ANXA2: variants seen among roughly 807,000 people sequenced by gnomAD.
ANXA2 encodes the protein annexin II.
ANXA2 carries 28 observed loss-of-function variants against 47.3 expected under a neutral mutation model. That is an observed-to-expected ratio of 0.59 (90% confidence interval 0.44 to 0.81). The LOEUF (loss-of-function observed/expected upper bound fraction) is 0.81. Ranked by LOEUF, ANXA2 falls within the 40% of genes least tolerant of loss-of-function variation. The pLI, the probability that ANXA2 is intolerant of heterozygous loss-of-function variation, is 0.00. For synonymous variants in ANXA2, 172 were observed against 155.5 expected (o/e 1.11, Z -0.79); for missense variants, 384 against 414.3 (o/e 0.93, Z 0.64).
At chr15:60,388,038 A>C (rs1215274226) in intron 1 of ANXA2, among the ~76,000 whole-genome samples, 1 of 152,090 alleles carries the variant, frequency 6.6e-6, no homozygotes. Flanking sequence ...AAATACAAAA[A>C]TTAGCTGGGC....
At position 60,368,760 on chromosome 15, in the gene ANXA2, G is replaced by T. The variant is rs560603686; in HGVS notation, c.149-4237C>A. On this transcript the variant is annotated intron_variant, in intron 3 of 12. Coordinates refer to ENST00000451270, the MANE Select transcript of ANXA2 (RefSeq NM_004039.3). ...AGTTCACCATAATGACCATAAATGG[G>T]TTTTTTTTAATACCCGGTGAGTGGC... Among the ~76,000 whole-genome samples the T allele has an allele frequency of 2.7e-3, 411 of 151,982 alleles. 7 individuals carry two copies. Among genetic ancestry groups the T allele is most frequent in the Admixed American group, 0.022 (337 of 15,274 alleles).
chr15:60,348,171 G>C (rs1355743275), intron 12 of ANXA2, among the ~76,000 whole-genome samples: 1 of 152,162 alleles, frequency 6.6e-6, no homozygotes, highest in Non-Finnish European at 1.5e-5. Context: ...TTAAACATGT[G>C]CCCTAATAAA....
intron 3 of ANXA2, among the ~76,000 whole-genome samples, chr15:60,365,159 T>A (rs1216816942): frequency 6.6e-6 from 1 of 151,512 alleles, no homozygotes; most frequent in African/African-American, 2.4e-5. Context: ...ATAGGCAATT[T>A]TAATAATTAA....
intron 1 of ANXA2, chr15:60,397,275 G>T: frequency 1.0e-6 from 1 of 985,532 alleles, no homozygotes; most frequent in Non-Finnish European, 1.2e-6. Context: ...AGGCCAATGT[G>T]TTCAACCAAG....
intron 5 of ANXA2, among the ~76,000 whole-genome samples, chr15:60,358,224 C>T (rs1287660314): frequency 6.6e-6 from 1 of 152,164 alleles, no homozygotes; most frequent in African/African-American, 2.4e-5. Flanking sequence ...GACACCAACA[C>T]TTTATTAAGG....
At chr15:60,390,551 A>AAGG in intron 1 of ANXA2, 1 of 454,988 alleles carries the variant, frequency 2.2e-6, no homozygotes, top group Non-Finnish European at 4.3e-6. Context: ...TAAAATTACA[A>AAGG]AGGAGGTTGT....
At chr15:60,351,932 G>T in intron 9 of ANXA2, 113 bp from the exon 10 acceptor site, 1 of 751,684 alleles carries the variant, frequency 1.3e-6, no homozygotes, top group South Asian at 1.7e-5. Context: ...GATGATCACA[G>T]CATCCTAGGA....
intron 5 of ANXA2, among the ~76,000 whole-genome samples, chr15:60,358,293 G>A (rs2062462897): frequency 6.6e-6 from 1 of 152,186 alleles, no homozygotes; most frequent in Non-Finnish European, 1.5e-5. Flanking sequence ...GAGCATGTCA[G>A]ATAGCTTGAA....
intron 7 of ANXA2, among the ~76,000 whole-genome samples, chr15:60,355,068 CAGGTAAGTAAGG>C (rs1385667226): frequency 6.6e-6 from 1 of 152,090 alleles, no homozygotes; most frequent in Admixed American, 6.5e-5. Context: ...AGCACGCTCT[CAGGTAAGTAAGG>C]AGCTGCCCTG....
chr15:60,370,314 A>T lies in ANXA2; in HGVS notation c.149-5791T>A, dbSNP rs145260467. Among the ~76,000 whole-genome samples the T allele has an allele frequency of 4.7e-4, 72 of 152,346 alleles. 1 individual carries two copies. The highest frequency in any genetic ancestry group is 1.7e-3 in the African/African-American group (70 of 41,576). On this transcript the variant is annotated intron_variant, in intron 3 of 12. Transcript: ENST00000451270. ...CGCCCTGCCCAAGAACCTCACCTGC[A>T]TCAGCTATTTCTCCCATACCACTGT...
At chr15:60,397,820 C>A in intron 1 of ANXA2, 123 bp downstream of exon 1, 1 of 1,361,186 alleles carries the variant, frequency 7.3e-7, no homozygotes, top group Non-Finnish European at 9.5e-7. Flanking sequence ...CAGCCCCCTG[C>A]CCCCGACGGC....
intron 4 of ANXA2, among the ~76,000 whole-genome samples, chr15:60,363,945 G>A (rs1018099949): frequency 6.6e-6 from 1 of 152,190 alleles, no homozygotes. Context: ...CTGGCCCAAA[G>A]TAAGCACTCA....
At position 60,350,691 on chromosome 15, in the gene ANXA2, T is replaced by C. The variant is rs564829604; in HGVS notation, c.837+502A>G. ...TTGTGGGGCTGTCTTTGGGGTCTGA[T>C]AGACCCAGGTTCAAATCTGTCTGTG... On this transcript the variant is annotated intron_variant, in intron 11 of 12. Transcript: ENST00000451270. Among the ~76,000 whole-genome samples, 4 of 152,292 alleles carry C rather than the reference T, an allele frequency of 2.6e-5. No individual in the cohort carries two copies. In the South Asian group the frequency reaches 6.2e-4, roughly 24 times the overall value.
chr15:60,349,851 GGT>G (rs1895914301), intron 11 of ANXA2, among the ~76,000 whole-genome samples: 1 of 131,884 alleles, frequency 7.6e-6, no homozygotes, highest in African/African-American at 3.0e-5. Context: ...AAGGGAGGGA[GGT>G]GAAGGCAGGG....
chr15:60,364,242 G>A (rs1305027146), intron 4 of ANXA2, among the ~76,000 whole-genome samples, 187 bp downstream of exon 4: 2 of 152,188 alleles, frequency 1.3e-5, no homozygotes, highest in Non-Finnish European at 2.9e-5. Context: ...AGGTGCACGC[G>A]CGCGTGCACA....
At chr15:60,372,100 GA>G (rs2062718543) in intron 3 of ANXA2, among the ~76,000 whole-genome samples, 1 of 152,188 alleles carries the variant, frequency 6.6e-6, no homozygotes, top group African/African-American at 2.4e-5. Context: ...GGTGAGCCAA[GA>G]TTGAGCCATT....
chr15:60,383,276 GCCA>G (rs1405348016), intron 2 of ANXA2: 1 of 152,366 alleles, frequency 6.6e-6, no homozygotes, highest in Non-Finnish European at 1.5e-5. Flanking sequence ...ACAGGCACCT[GCCA>G]CCACACCGGG....
chr15:60,367,212 GA>G (rs2062632879), intron 3 of ANXA2, among the ~76,000 whole-genome samples: 2 of 98,712 alleles, frequency 2.0e-5, no homozygotes, highest in Non-Finnish European at 2.1e-5. Flanking sequence ...GTCCGGGAGG[GA>G]GGTGGGGGGG....
chr15:60,367,749 C>T (rs1239324522), intron 3 of ANXA2, among the ~76,000 whole-genome samples: 7 of 97,910 alleles, frequency 7.1e-5, no homozygotes, highest in Non-Finnish European at 1.0e-4. Context: ...CGCTTCTGCC[C>T]GGCCGCCCCT....
Sources: gnomAD v4.1 joint callset for allele counts (sites outside exome capture counted in the v4.1 genomes callset) on GRCh38, gnomAD v4.1.1 for gene constraint, MANE v1.5 for transcripts, NCBI Gene and HGNC (gene_info 2026-07-23, HGNC 2026-07-21) for gene names.